The following WASF2 variants were observed in gnomAD, a reference collection of about 807,000 sequenced individuals.
WASF2 encodes the protein WASP family member 2.
In WASF2, 14 loss-of-function variants were observed where a neutral mutation model predicts 45.0. That is an observed-to-expected ratio of 0.31 (90% CI 0.21 to 0.49). The LOEUF (loss-of-function observed/expected upper bound fraction) is 0.49, where lower values mean the gene tolerates loss of function less well. Ranked by LOEUF, WASF2 falls within the 20% of genes least tolerant of loss-of-function variation. The pLI is 0.99. For missense variants in WASF2, 439 were observed against 636.1 expected (o/e 0.69, Z 3.33); for synonymous variants, 200 against 236.3 (o/e 0.85, Z 1.41).
At chr1:27,477,196 A>G (rs1410096762) in intron 1 of WASF2, among the ~76,000 whole-genome samples, 1 of 152,222 alleles carries the variant, frequency 6.6e-6, no homozygotes, top group Non-Finnish European at 1.5e-5. Flanking sequence ...GATATCACAG[A>G]AGACCAAAGG....
At chr1:27,465,684 C>G (rs2017603958) in intron 1 of WASF2, among the ~76,000 whole-genome samples, 1 of 152,188 alleles carries the variant, frequency 6.6e-6, no homozygotes, top group Admixed American at 6.6e-5. Context: ...GGCTACGGTT[C>G]TAGGGCAGAT....
intron 1 of WASF2, among the ~76,000 whole-genome samples, chr1:27,478,975 A>AT (rs2017809280): frequency 1.3e-5 from 2 of 152,104 alleles, no homozygotes; most frequent in Non-Finnish European, 2.9e-5. Flanking sequence ...CTCACTGTAT[A>AT]TAAGTTTTAC....
At chr1:27,434,177 G>C (rs897403704) in intron 1 of WASF2, among the ~76,000 whole-genome samples, 3 of 152,194 alleles carry the variant, frequency 2.0e-5, no homozygotes, top group Admixed American at 6.5e-5. Context: ...CTTTAGATAA[G>C]GTTATGAGTT....
At chr1:27,461,427 C>T (rs1571153640) in intron 1 of WASF2, among the ~76,000 whole-genome samples, 1 of 151,500 alleles carries the variant, frequency 6.6e-6, no homozygotes, top group East Asian at 2.0e-4. Flanking sequence ...ACAGCCTTGA[C>T]CTCCCAGGCT....
intron 1 of WASF2, among the ~76,000 whole-genome samples, chr1:27,464,055 A>C (rs2017584175): frequency 6.6e-6 from 1 of 151,856 alleles, no homozygotes. Flanking sequence ...TATTCTAATA[A>C]TAATTTTGGT....
At chr1:27,484,354 G>A (rs2017894628) in intron 1 of WASF2, among the ~76,000 whole-genome samples, 2 of 152,112 alleles carry the variant, frequency 1.3e-5, no homozygotes, top group African/African-American at 4.8e-5. Context: ...CTGGTAAACA[G>A]AAGTTTCTCA....
chr1:27,470,309 G>A (rs757574394), intron 1 of WASF2, among the ~76,000 whole-genome samples: 19 of 152,130 alleles, frequency 1.2e-4, no homozygotes, highest in Non-Finnish European at 2.5e-4. Flanking sequence ...AGAATATTTA[G>A]GAAGAAACTA....
intron 1 of WASF2, among the ~76,000 whole-genome samples, chr1:27,456,733 CTTTT>C (rs568890517): frequency 7.6e-6 from 1 of 132,162 alleles, no homozygotes; most frequent in African/African-American, 2.8e-5. Flanking sequence ...AAGGTTTTCT[CTTTT>C]TTTTTTTTTT....
At chr1:27,479,872 C>G (rs1334373707) in intron 1 of WASF2, among the ~76,000 whole-genome samples, 1 of 152,076 alleles carries the variant, frequency 6.6e-6, no homozygotes, top group Non-Finnish European at 1.5e-5. Flanking sequence ...CTCAAAAAAA[C>G]AAACAAACAA....
intron 1 of WASF2, among the ~76,000 whole-genome samples, chr1:27,468,342 C>T (rs1295287566): frequency 3.3e-5 from 5 of 151,728 alleles, no homozygotes; most frequent in African/African-American, 1.2e-4. Flanking sequence ...AAAAAAACAC[C>T]AGAGAAAAAA....
At chr1:27,442,925 A>G (rs954471719) in intron 1 of WASF2, among the ~76,000 whole-genome samples, 3 of 141,170 alleles carry the variant, frequency 2.1e-5, no homozygotes, top group African/African-American at 7.9e-5. Context: ...TGGGAGGCAG[A>G]GGTTGCAGTG....
chr1:27,422,386 G>A (rs2016919892), intron 2 of WASF2, among the ~76,000 whole-genome samples: 1 of 152,126 alleles, frequency 6.6e-6, no homozygotes, highest in Non-Finnish European at 1.5e-5. Context: ...TTGGGAGGCT[G>A]AGGTGGGCGG....
At chr1:27,412,520 G>T in intron 7 of WASF2, 52 bp downstream of exon 7, 2 of 1,607,112 alleles carry the variant, frequency 1.2e-6, no homozygotes, top group East Asian at 4.5e-5. Context: ...CCATTCTTTT[G>T]TTCTCAAGTG....
In WASF2 at chr1:27,409,943, G is replaced by A; in HGVS notation, c.1088C>T (p.Ala363Val). 1 of 1,607,906 alleles carries A rather than the reference G, an allele frequency of 6.2e-7. No individual in the cohort carries two copies. The highest frequency in any genetic ancestry group is 8.5e-7 in the Non-Finnish European group (1 of 1,176,794). ...PSFPPHPDFA[A>V]PPPPPPPPAA... ...TGGTGGTGGAGGAGGAGGTGGAGGG[G>A]CAGCAAAATCAGGGTGAGGTGGGAA... is the stretch of plus-strand genomic sequence containing the variant. The change falls in exon 8 of 9, where the codon GCC (alanine) becomes GTC (valine). Residue 363 changes from alanine (A) to valine (V), a missense_variant. Physicochemically the swap from Ala to Val is moderately conservative, Grantham distance 64. Transcript: ENST00000618852.
At chr1:27,472,384 A>G (rs1234304779) in intron 1 of WASF2, among the ~76,000 whole-genome samples, 1 of 151,574 alleles carries the variant, frequency 6.6e-6, no homozygotes, top group Non-Finnish European at 1.5e-5. Context: ...CTGTGATCCT[A>G]GCACTTTGGG....
intron 5 of WASF2, among the ~76,000 whole-genome samples, chr1:27,415,500 G>C (rs1275802392): frequency 6.6e-6 from 1 of 152,180 alleles, no homozygotes; most frequent in East Asian, 1.9e-4. Flanking sequence ...ATACATACCA[G>C]GAAGAGTCTA....
rs1018468192 is a variant in WASF2 at position 27,490,024 on chromosome 1, G to C, written c.-82C>G. ...GTCGCCGTCAGCGACAGGAAGGGTC[G>C]GCCGGCCGCCCAGTCTCCGCACAGA... On this transcript the variant is annotated 5_prime_UTR_variant, in exon 1 of 9. Coordinates refer to ENST00000618852, the MANE Select transcript of WASF2 (RefSeq NM_006990.5). 3 of 152,254 alleles carry C rather than the reference G, an allele frequency of 2.0e-5. No individual in the cohort carries two copies. The highest frequency in any genetic ancestry group is 4.4e-5 in the Non-Finnish European group (3 of 68,080). 9.4% of individuals were successfully genotyped at this position (152,254 alleles called of 1,614,324 possible). A position where few individuals can be genotyped will look rare whatever the true frequency, so the allele number is the denominator to read the frequency against.
At chr1:27,419,276 G>A (rs572505157) in intron 2 of WASF2, among the ~76,000 whole-genome samples, 188 bp from the exon 3 acceptor site, 2 of 152,300 alleles carry the variant, frequency 1.3e-5, no homozygotes, top group South Asian at 2.1e-4. Context: ...CATAGTTTAG[G>A]AAGCCTGCAT....
At chr1:27,480,804 C>G (rs1167732982) in intron 1 of WASF2, among the ~76,000 whole-genome samples, 2 of 152,078 alleles carry the variant, frequency 1.3e-5, no homozygotes, top group African/African-American at 4.8e-5. Context: ...GTCAGGAGAT[C>G]GAGACCATCC....
Sources: allele counts gnomAD v4.1 joint callset (sites outside exome capture counted in the v4.1 genomes callset), GRCh38; gene constraint gnomAD v4.1.1; transcripts MANE v1.5; gene names NCBI Gene and HGNC (gene_info 2026-07-23, HGNC 2026-07-21).